Variants in KLHDC4 observed in about 807,000 individuals in gnomAD.
The protein encoded by KLHDC4 is kelch domain-containing protein 4.
Under a neutral mutation model 62.4 loss-of-function variants are expected in KLHDC4, and 90 were observed. That is an observed-to-expected ratio of 1.44 (90% CI 1.22 to 1.72). The LOEUF is 1.72. Among genes scored for constraint, KLHDC4 ranks in the 40% most tolerant of loss-of-function variants. The pLI, the probability that KLHDC4 is intolerant of heterozygous loss-of-function variation, is 0.00. For missense variants in KLHDC4, 1,025 were observed against 699.7 expected, an observed-to-expected ratio of 1.47 and a Z score of -5.25; for synonymous variants, 386 against 284.4, an observed-to-expected ratio of 1.36 and a Z score of -3.59.
intron 1 of KLHDC4, chr16:87,765,119 A>C (rs1416654827): frequency 2.2e-6 from 1 of 455,914 alleles, no homozygotes; most frequent in Non-Finnish European, 4.4e-6. Context: ...GGCAGGCCAT[A>C]AAACTGGCCC....
rs1444012702 is a variant in KLHDC4 at position 87,742,717 on chromosome 16, C to T, written c.506+5956G>A. ...AGTCTCCTGGGCTCCCTAGGGTCTA[C>T]GTGGAGTACGAAGACTTGAGAACCA... is the stretch of plus-strand genomic sequence containing the variant. On this transcript the variant is annotated intron_variant, in intron 5 of 11. Coordinates refer to ENST00000270583, the MANE Select transcript of KLHDC4 (RefSeq NM_017566.4). 5.9e-5 allele frequency among the ~76,000 whole-genome samples: 9 copies of T among 152,244 alleles called. No individual in the cohort carries two copies. The East Asian group carries it at 9.7e-4, about 16-fold the overall frequency.
At position 87,765,818 on chromosome 16, in the gene KLHDC4, CCTT is replaced by C; in HGVS notation, c.70_72del (p.Lys24del). ...TCCTCCTTCCGCGAGCGCTTAGACA[CCTT>C]CTTCTCCATCTTGGCGGCCGTCTTC... On this transcript the variant is annotated inframe_deletion, in exon 1 of 12. Coordinates refer to ENST00000270583, the MANE Select transcript of KLHDC4 (RefSeq NM_017566.4). 3.2e-6 allele frequency: 5 copies of C among 1,567,760 alleles called. No individual in the cohort carries two copies. The South Asian group carries it at 3.5e-5, about 11-fold the overall frequency.
At chr16:87,737,106 CA>C (rs55787836) in intron 5 of KLHDC4, among the ~76,000 whole-genome samples, 12 of 64,828 alleles carry the variant, frequency 1.9e-4, no homozygotes, top group African/African-American at 3.2e-4. Flanking sequence ...GCCTGGGCGA[CA>C]AAAAAAAAAA....
intron 4 of KLHDC4, among the ~76,000 whole-genome samples, chr16:87,749,233 G>C (rs2043514905): frequency 1.3e-5 from 2 of 151,930 alleles, no homozygotes; most frequent in African/African-American, 4.8e-5. Flanking sequence ...AACTAAATTA[G>C]CCTCAGAAGT....
chr16:87,701,176 G>T (rs1235893906), exon 1 of KLHDC4: 5 of 214,302 alleles, frequency 2.3e-5, no homozygotes, highest in Non-Finnish European at 3.8e-5. Context: ...ACAGAACAAG[G>T]GTCCGTGGCA....
chr16:87,702,338 G>C (rs550528220), exon 1 of KLHDC4: 2 of 454,314 alleles, frequency 4.4e-6, no homozygotes, highest in Non-Finnish European at 8.9e-6. Context: ...GGCTGAGAGA[G>C]GAAGATGGGT....
exon 1 of KLHDC4, chr16:87,702,458 C>T (rs1201998868): frequency 1.4e-5 from 5 of 362,812 alleles, no homozygotes; most frequent in South Asian, 6.1e-5. Context: ...GGGGAGCCCG[C>T]GTCCCCAAAT....
chr16:87,743,633 G>A (rs1338489648), intron 5 of KLHDC4, among the ~76,000 whole-genome samples: 1 of 151,738 alleles, frequency 6.6e-6, no homozygotes, highest in Non-Finnish European at 1.5e-5. Context: ...CCAGCTACTC[G>A]GGAGGCTGAG....
At chr16:87,727,965 C>T (rs2039666371) in intron 6 of KLHDC4, among the ~76,000 whole-genome samples, 1 of 152,128 alleles carries the variant, frequency 6.6e-6, no homozygotes, top group African/African-American at 2.4e-5. Context: ...GCAGGTAGAT[C>T]ACTTGAGGCG....
chr16:87,715,472 C>A (rs539568081), intron 7 of KLHDC4, among the ~76,000 whole-genome samples: 1 of 152,288 alleles, frequency 6.6e-6, no homozygotes. Flanking sequence ...GCAGCTCATC[C>A]TGCCCAGGGA....
Position 87,730,461 on chromosome 16 carries a change from G to T in KLHDC4, c.599+91C>A, listed in dbSNP as rs929139975. 51 of 1,079,778 alleles carry T rather than the reference G, an allele frequency of 4.7e-5. No individual in the cohort carries two copies. In the Admixed American group the frequency reaches 1.2e-3, roughly 25 times the overall value. The allele number at this position is 1,079,778 out of a possible 1,614,324, so 66.9% of individuals were successfully genotyped here. A position where few individuals can be genotyped will look rare whatever the true frequency, so the allele number is the denominator to read the frequency against. ...AAGCTGGATTTGGGAGGATGGGTGC[G>T]TCTTTCTTGTGTATTCAGAATGCTC... On this transcript the variant is annotated intron_variant, in intron 6 of 11. Coordinates refer to ENST00000270583, the MANE Select transcript of KLHDC4 (RefSeq NM_017566.4).
rs553019101 is a variant in KLHDC4 at position 87,718,527 on chromosome 16, G to T, written c.760-3954C>A. ...TGGGATTGCAGGCACGCGCCGCCAC[G>T]CCTGACTGGTTTTTGCTGGAGTGCA... is the stretch of plus-strand genomic sequence containing the variant. On this transcript the variant is annotated intron_variant, in intron 7 of 11. Coordinates refer to ENST00000270583, the MANE Select transcript of KLHDC4 (RefSeq NM_017566.4). Among the ~76,000 whole-genome samples, 737 of 151,738 alleles carry T rather than the reference G, an allele frequency of 4.9e-3. 4 individuals carry two copies. The highest frequency in any genetic ancestry group is 0.017 in the African/African-American group (721 of 41,312).
intron 1 of KLHDC4, among the ~76,000 whole-genome samples, chr16:87,762,341 C>T (rs1334586376): frequency 6.6e-6 from 1 of 152,216 alleles, no homozygotes; most frequent in Non-Finnish European, 1.5e-5. Context: ...ACTGCAGACA[C>T]TCTCAGCACC....
chr16:87,737,969 C>T (rs536445667), intron 5 of KLHDC4, among the ~76,000 whole-genome samples: 23 of 152,316 alleles, frequency 1.5e-4, no homozygotes, highest in African/African-American at 4.6e-4. Context: ...AACAGCACAA[C>T]GGGGAATCCA....
chr16:87,727,989 C>T (rs2039672175), intron 6 of KLHDC4, among the ~76,000 whole-genome samples: 1 of 152,114 alleles, frequency 6.6e-6, no homozygotes, highest in Non-Finnish European at 1.5e-5. Flanking sequence ...AGTTCAAAAA[C>T]AGCCTGGACA....
At chr16:87,748,348 G>A (rs1330399017) in intron 5 of KLHDC4, among the ~76,000 whole-genome samples, 1 of 152,116 alleles carries the variant, frequency 6.6e-6, no homozygotes, top group African/African-American at 2.4e-5. Flanking sequence ...CAACAAGCTG[G>A]GCACCCAGAG....
At chr16:87,759,256 C>T (rs79391990) in intron 2 of KLHDC4, among the ~76,000 whole-genome samples, 3,918 of 151,658 alleles carry the variant, frequency 0.026, 174 homozygotes, top group African/African-American at 0.089. Flanking sequence ...CTTTTTAGGT[C>T]GGGTGCAGTG....
At chr16:87,755,742 G>T (rs943355742) in intron 3 of KLHDC4, 3 of 177,902 alleles carry the variant, frequency 1.7e-5, no homozygotes, top group Admixed American at 1.1e-4. Context: ...TTTTTGTATC[G>T]TTAGCAGAGA....
intron 5 of KLHDC4, among the ~76,000 whole-genome samples, chr16:87,744,027 C>T (rs755748282): frequency 6.6e-6 from 1 of 151,970 alleles, no homozygotes; most frequent in African/African-American, 2.4e-5. Flanking sequence ...GCCTGTAATC[C>T]CAGCAATTTG....
Sources: allele counts gnomAD v4.1 joint callset (sites outside exome capture counted in the v4.1 genomes callset), GRCh38; gene constraint gnomAD v4.1.1; transcripts MANE v1.5; gene names NCBI Gene and HGNC (gene_info 2026-07-23, HGNC 2026-07-21).